The following TULP4 variants were observed in gnomAD, a reference collection of about 807,000 sequenced individuals.
TULP4 encodes TUB like protein 4, also known as tubby-related protein 4.
TULP4 carries 16 observed loss-of-function variants against 129.0 expected under a neutral mutation model. That is an observed-to-expected ratio of 0.12 (90% confidence interval 0.08 to 0.19). The LOEUF (loss-of-function observed/expected upper bound fraction) is 0.19, where lower values mean the gene tolerates loss of function less well. Among genes scored for constraint, TULP4 ranks in the 10% least tolerant of loss-of-function variants. The pLI, the probability that TULP4 is intolerant of heterozygous loss-of-function variation, is 1.00. For missense variants in TULP4, 1,842 were observed against 2,059.1 expected (o/e 0.89, Z 2.04); for synonymous variants, 998 against 854.0 (o/e 1.17, Z -2.94).
At chr6:158,471,694 C>T (rs1779686412) in intron 6 of TULP4, among the ~76,000 whole-genome samples, 2 of 152,188 alleles carry the variant, frequency 1.3e-5, no homozygotes, top group South Asian at 4.2e-4. Context: ...TATTAGAGTT[C>T]CTGTGGATTT....
intron 1 of TULP4, among the ~76,000 whole-genome samples, chr6:158,359,951 G>C (rs1449026133): frequency 6.6e-6 from 1 of 152,090 alleles, no homozygotes; most frequent in African/African-American, 2.4e-5. Flanking sequence ...CATATCCTTT[G>C]TAACTCTGAA....
chr6:158,491,587 G>T (rs1203690688), intron 9 of TULP4, among the ~76,000 whole-genome samples: 3 of 151,526 alleles, frequency 2.0e-5, no homozygotes. Flanking sequence ...CCACCTCCTG[G>T]GTTCAAACGA....
upstream of TULP4, among the ~76,000 whole-genome samples, chr6:158,308,530 CG>C (rs1415512376): frequency 6.6e-6 from 1 of 151,934 alleles, no homozygotes; most frequent in Non-Finnish European, 1.5e-5. Flanking sequence ...ACCTCCCAGA[CG>C]GGGTGGCGGC....
At chr6:158,321,804 T>C (rs965392964) in intron 1 of TULP4, among the ~76,000 whole-genome samples, 2 of 152,228 alleles carry the variant, frequency 1.3e-5, no homozygotes, top group Non-Finnish European at 2.9e-5. Context: ...GACTCAACAA[T>C]CTATGTTAAG....
intron 1 of TULP4, among the ~76,000 whole-genome samples, chr6:158,257,672 G>A (rs534380648): frequency 6.6e-6 from 1 of 152,344 alleles, no homozygotes; most frequent in East Asian, 1.9e-4. Flanking sequence ...TGGAGGTGCT[G>A]TGCCCACATT....
chr6:158,358,191 T>C (rs562958383), intron 1 of TULP4, among the ~76,000 whole-genome samples: 14 of 152,274 alleles, frequency 9.2e-5, no homozygotes, highest in African/African-American at 3.4e-4. Context: ...CATGCAGGGG[T>C]GCAAGTGGAA....
At chr6:158,255,848 T>C (rs1778231849) in intron 1 of TULP4, among the ~76,000 whole-genome samples, 1 of 152,220 alleles carries the variant, frequency 6.6e-6, no homozygotes, top group Non-Finnish European at 1.5e-5. Context: ...CTTTCCCTCA[T>C]TGCATGAAGA....
At chr6:158,260,427 T>A (rs1222222564) in intron 1 of TULP4, among the ~76,000 whole-genome samples, 2 of 151,888 alleles carry the variant, frequency 1.3e-5, no homozygotes, top group African/African-American at 2.4e-5. Flanking sequence ...ATACAAAAAA[T>A]TAGCTGGGCG....
intron 1 of TULP4, among the ~76,000 whole-genome samples, chr6:158,355,080 TG>T (rs1780614371): frequency 6.6e-6 from 1 of 151,792 alleles, no homozygotes; most frequent in African/African-American, 2.4e-5. Flanking sequence ...TTTTTGTTGT[TG>T]TTGTTTTTGA....
At chr6:158,319,251 G>A (rs961806229) in intron 1 of TULP4, among the ~76,000 whole-genome samples, 5 of 152,166 alleles carry the variant, frequency 3.3e-5, no homozygotes, top group African/African-American at 1.2e-4. Flanking sequence ...GTAGGACTTT[G>A]CTAAGATTTA....
intron 5 of TULP4, among the ~76,000 whole-genome samples, chr6:158,459,814 C>T (rs554427920): frequency 2.3e-4 from 35 of 152,146 alleles, no homozygotes; most frequent in Non-Finnish European, 5.0e-4. Flanking sequence ...TAGTGCCTCA[C>T]CTTTTGGTTT....
chr6:158,327,133 G>GT (rs59049988), intron 1 of TULP4, among the ~76,000 whole-genome samples: 131,005 of 152,150 alleles, frequency 0.86, 56,828 homozygotes, highest in South Asian at 0.93. Flanking sequence ...TAAGGATTCA[G>GT]TGGTTACTAT....
chr6:158,429,242 G>T (rs1256350468), intron 2 of TULP4, among the ~76,000 whole-genome samples: 3 of 152,216 alleles, frequency 2.0e-5, no homozygotes, highest in Non-Finnish European at 4.4e-5. Flanking sequence ...AGGTTCAAGT[G>T]ATTCTCTCAC....
chr6:158,502,190 G>T lies in TULP4; in HGVS notation c.2527G>T (p.Ala843Ser), dbSNP rs376485331. 1 of 731,672 alleles carries T rather than the reference G, an allele frequency of 1.4e-6. No homozygotes were observed. Among genetic ancestry groups the T allele is most frequent in the Admixed American group, 5.0e-5 (1 of 20,174 alleles). The allele number at this position is 731,672 out of a possible 1,614,324, so 45.3% of individuals were successfully genotyped here. A position where few individuals can be genotyped will look rare whatever the true frequency, so the allele number is the denominator to read the frequency against. The change falls in exon 13 of 14, where the codon GCT becomes TCT. Residue 843 changes from alanine to serine, a missense_variant. By Grantham distance (99) the Ala-to-Ser change is moderately conservative (BLOSUM62 1). This residue lies in a region of TULP4 where 1,089 missense variants were observed against 987.1 expected (regional missense o/e 1.10). Coordinates refer to ENST00000367097, the MANE Select transcript of TULP4 (RefSeq NM_020245.5). ...ACCCCCGTACCCAGGAACCATCCCCGCTGCCCCCACCACAGCAGCACCCCC... is the reference window on the plus strand; with the variant it reads ...ACCCCCGTACCCAGGAACCATCCCCTCTGCCCCCACCACAGCAGCACCCCC... ...PPPPYPGTIP[A>S]APTTAAPPPP...
chr6:158,365,094 A>C (rs1013394654), intron 1 of TULP4, among the ~76,000 whole-genome samples: 14 of 151,710 alleles, frequency 9.2e-5, no homozygotes, highest in African/African-American at 3.2e-4. Flanking sequence ...CAGAATTGAG[A>C]TTCAAGTCTT....
intron 1 of TULP4, among the ~76,000 whole-genome samples, chr6:158,332,508 T>C (rs987375941): frequency 1.3e-5 from 2 of 151,738 alleles, no homozygotes; most frequent in African/African-American, 4.8e-5. Flanking sequence ...GCCTTCAAAG[T>C]GAATGGCCCA....
At chr6:158,442,960 G>C (rs1778934483) in intron 3 of TULP4, among the ~76,000 whole-genome samples, 1 of 151,220 alleles carries the variant, frequency 6.6e-6, no homozygotes, top group Non-Finnish European at 1.5e-5. Flanking sequence ...TGGGATTACA[G>C]GCATCCACCA....
rs537194696 is a variant in TULP4 at position 158,415,562 on chromosome 6, A to G, written c.381+2369A>G. ...TTTTTAGTAGAGATGGGGTTTCACC[A>G]CGTTAGCCAGGATGGTCTCGATCTC... On this transcript the variant is annotated intron_variant, in intron 2 of 13. Coordinates refer to ENST00000367097, the MANE Select transcript of TULP4 (RefSeq NM_020245.5). Among the ~76,000 whole-genome samples the G allele has an allele frequency of 2.0e-5, 3 of 148,566 alleles. No individual in the cohort carries two copies. The East Asian group carries it at 5.9e-4, about 29-fold the overall frequency.
At chr6:158,315,184 A>G (rs1779459928) in intron 1 of TULP4, among the ~76,000 whole-genome samples, 1 of 152,242 alleles carries the variant, frequency 6.6e-6, no homozygotes, top group Non-Finnish European at 1.5e-5. Flanking sequence ...TTGTGCTACT[A>G]TAACAAAATA....
Sources: gnomAD v4.1 joint callset for allele counts (sites outside exome capture counted in the v4.1 genomes callset) on GRCh38, gnomAD v4.1.1 for gene constraint, gnomAD v4.1.1 regional missense constraint, MANE v1.5 for transcripts, NCBI Gene and HGNC (gene_info 2026-07-23, HGNC 2026-07-21) for gene names.